The following RALGPS1 variants were observed in gnomAD, a reference collection of about 807,000 sequenced individuals.
RALGPS1 encodes ras-specific guanine nucleotide-releasing factor RalGPS1.
In RALGPS1, 19 loss-of-function variants were observed where a neutral mutation model predicts 78.8. The ratio of observed to expected loss-of-function variants is 0.24; its 90% CI spans 0.17 to 0.35. RALGPS1 has a LOEUF of 0.35. Ranked by LOEUF, RALGPS1 falls within the 10% of genes least tolerant of loss-of-function variation. RALGPS1 has a pLI of 1.00. For synonymous variants in RALGPS1, 228 were observed against 256.3 expected, an observed-to-expected ratio of 0.89 and a Z score of 1.06; for missense variants, 454 against 688.3, an observed-to-expected ratio of 0.66 and a Z score of 3.81.
chr9:127,103,365 C>T (rs566807847), intron 8 of RALGPS1, among the ~76,000 whole-genome samples: 1 of 152,324 alleles, frequency 6.6e-6, no homozygotes, highest in Non-Finnish European at 1.5e-5. Context: ...GTCAGTGAAG[C>T]AATGTGGGGA....
At chr9:127,213,093 C>T (rs1273066656) in intron 17 of RALGPS1, 44 bp downstream of exon 17, 7 of 1,612,814 alleles carry the variant, frequency 4.3e-6, no homozygotes, top group South Asian at 2.2e-5. Flanking sequence ...GCTCTCTGCC[C>T]ATTTCCTCTC....
intron 3 of RALGPS1, among the ~76,000 whole-genome samples, chr9:126,968,071 T>G (rs2039710748): frequency 6.6e-6 from 1 of 151,370 alleles, no homozygotes; most frequent in African/African-American, 2.4e-5. Flanking sequence ...GGCAGGATCT[T>G]GGCTCACTGA....
At chr9:126,981,286 G>T (rs149608867) in intron 4 of RALGPS1, among the ~76,000 whole-genome samples, 17 of 152,312 alleles carry the variant, frequency 1.1e-4, no homozygotes, top group Non-Finnish European at 1.0e-4. Flanking sequence ...ATGCACAGAG[G>T]GTGTGGTCAA....
intron 7 of RALGPS1, among the ~76,000 whole-genome samples, chr9:127,062,159 G>A (rs1221369466): frequency 3.3e-5 from 5 of 151,954 alleles, no homozygotes; most frequent in Non-Finnish European, 5.9e-5. Context: ...GTGCAGTGGC[G>A]CGATCTTGAC....
chr9:127,189,300 A>G (rs547383002), intron 11 of RALGPS1, among the ~76,000 whole-genome samples: 1 of 152,270 alleles, frequency 6.6e-6, no homozygotes, highest in African/African-American at 2.4e-5. Context: ...TGGGGAGTGT[A>G]TCCACTCGTA....
intron 18 of RALGPS1, chr9:127,216,939 G>A (rs1401279876): frequency 7.1e-6 from 11 of 1,547,896 alleles, no homozygotes; most frequent in Non-Finnish European, 9.6e-6. Context: ...AACAGGAACT[G>A]ACAGCCACGA....
intron 8 of RALGPS1, among the ~76,000 whole-genome samples, chr9:127,151,730 A>G (rs1022370312): frequency 2.0e-5 from 3 of 152,062 alleles, no homozygotes; most frequent in African/African-American, 7.2e-5. Flanking sequence ...TCTTTCCTGG[A>G]ACCTAATAAA....
At position 127,218,675 on chromosome 9, in the gene RALGPS1, G is replaced by A; in HGVS notation, c.1645-65G>A. On this transcript the variant is annotated intron_variant, in intron 18 of 18. Coordinates refer to ENST00000259351, the MANE Select transcript of RALGPS1 (RefSeq NM_014636.3). The surrounding 1 kb of genome is among the most constrained non-coding windows in gnomAD (Gnocchi z 4.4). ...GGAAAGGCCTGTCCCTTCCCCTAGG[G>A]ACCACCACCCCTTGTCCTTCTCTGA... is the stretch of plus-strand genomic sequence containing the variant. The A allele has an allele frequency of 6.5e-7, 1 of 1,545,582 alleles. No individual in the cohort carries two copies. Among genetic ancestry groups the A allele is most frequent in the Non-Finnish European group, 8.9e-7 (1 of 1,117,796 alleles).
chr9:126,962,364 A>G lies in RALGPS1; in HGVS notation c.57+18A>G. 1 of 1,613,656 alleles carries G rather than the reference A, an allele frequency of 6.2e-7. No homozygotes were observed. Among genetic ancestry groups the G allele is most frequent in the Non-Finnish European group, 8.5e-7 (1 of 1,179,662 alleles). ...CTCCACAGGTACTGAGGCTGCAAGA[A>G]TCGGGACAGTGGGTAGAGGGGTCTC... On this transcript the variant is annotated intron_variant, in intron 2 of 18. Coordinates refer to ENST00000259351, the MANE Select transcript of RALGPS1 (RefSeq NM_014636.3).
intron 6 of RALGPS1, among the ~76,000 whole-genome samples, chr9:127,051,627 A>G (rs1160413667): frequency 6.6e-6 from 1 of 152,232 alleles, no homozygotes; most frequent in African/African-American, 2.4e-5. Flanking sequence ...GAAATGAAGT[A>G]TTTAGCTCAT....
chr9:127,083,183 GGGAAC>G (rs2051352148), intron 8 of RALGPS1, among the ~76,000 whole-genome samples: 1 of 152,184 alleles, frequency 6.6e-6, no homozygotes, highest in East Asian at 1.9e-4. Flanking sequence ...CTCCTTCTCT[GGGAAC>G]CTACTTCCGC....
At chr9:127,174,248 G>A (rs1323209934) in intron 10 of RALGPS1, among the ~76,000 whole-genome samples, 2 of 142,396 alleles carry the variant, frequency 1.4e-5, no homozygotes, top group African/African-American at 5.2e-5. Flanking sequence ...GAGAGAGAGA[G>A]AAAAGAAAGA....
intron 8 of RALGPS1, chr9:127,089,007 G>C (rs375360881): frequency 1.2e-6 from 2 of 1,614,194 alleles, no homozygotes; most frequent in East Asian, 4.5e-5. Flanking sequence ...GAGCCTCCTC[G>C]GAACTCAGCC....
At chr9:126,966,829 C>G (rs1333331544) in intron 3 of RALGPS1, among the ~76,000 whole-genome samples, 1 of 152,104 alleles carries the variant, frequency 6.6e-6, no homozygotes, top group Admixed American at 6.5e-5. Context: ...TGCTCCCGGT[C>G]TAACTAAGGG....
intron 7 of RALGPS1, among the ~76,000 whole-genome samples, chr9:127,063,393 C>G (rs1231260805): frequency 3.9e-5 from 6 of 152,258 alleles, no homozygotes; most frequent in Admixed American, 3.9e-4. Flanking sequence ...GAAAATGATT[C>G]AAAATTAATA....
intron 4 of RALGPS1, among the ~76,000 whole-genome samples, chr9:126,983,988 T>A (rs2041564429): frequency 6.6e-6 from 1 of 152,230 alleles, no homozygotes; most frequent in Admixed American, 6.5e-5. Flanking sequence ...GTGACTGTTT[T>A]ATTCCTTCAT....
chr9:126,923,800 G>C (rs2035003669), intron 1 of RALGPS1, among the ~76,000 whole-genome samples: 1 of 152,292 alleles, frequency 6.6e-6, no homozygotes, highest in South Asian at 2.1e-4. Context: ...CTCCCAAGTA[G>C]CTCCCAAGTG....
At chr9:126,987,552 G>A (rs919143475) in intron 4 of RALGPS1, among the ~76,000 whole-genome samples, 1 of 152,208 alleles carries the variant, frequency 6.6e-6, no homozygotes, top group African/African-American at 2.4e-5. Flanking sequence ...CCAGAAGTCA[G>A]TGTTTCATTC....
At chr9:127,128,963 C>T (rs1425518903) in intron 8 of RALGPS1, among the ~76,000 whole-genome samples, 3 of 152,146 alleles carry the variant, frequency 2.0e-5, no homozygotes, top group African/African-American at 4.8e-5. Flanking sequence ...TGTTAGCTCA[C>T]GTGTGACTTC....
Sources: allele counts gnomAD v4.1 joint callset (sites outside exome capture counted in the v4.1 genomes callset), GRCh38; gene constraint gnomAD v4.1.1; non-coding constraint Gnocchi (gnomAD v3.1); transcripts MANE v1.5; gene names NCBI Gene and HGNC (gene_info 2026-07-23, HGNC 2026-07-21).